Variants in AEN observed in about 807,000 individuals in gnomAD.
AEN encodes the protein apoptosis-enhancing nuclease.
AEN carries 21 observed loss-of-function variants against 17.7 expected under a neutral mutation model. That is an observed-to-expected ratio of 1.19 (90% CI 0.84 to 1.71). The LOEUF (loss-of-function observed/expected upper bound fraction) is 1.71, where lower values mean the gene tolerates loss of function less well. Among genes scored for constraint, AEN ranks in the 40% most tolerant of loss-of-function variants. The pLI, the probability that AEN is intolerant of heterozygous loss-of-function variation, is 0.00. For synonymous variants in AEN, 190 were observed against 173.0 expected, an observed-to-expected ratio of 1.10 and a Z score of -0.77; for missense variants, 462 against 435.9, an observed-to-expected ratio of 1.06 and a Z score of -0.53.
Position 88,630,088 on chromosome 15 carries a change from G to C in AEN, c.772G>C (p.Asp258His). 6.2e-7 allele frequency: 1 copy of C among 1,614,104 alleles called. No homozygotes were observed. Among genetic ancestry groups the C allele is most frequent in the Non-Finnish European group, 8.5e-7 (1 of 1,180,034 alleles). The change falls in exon 4 of 4, where the codon GAT (aspartate) becomes CAT (histidine). Residue 258 changes from aspartate (D) to histidine (H), a missense_variant. Transcript: ENST00000332810. This position sits in a 1 kb window ranked among gnomAD's most constrained non-coding sequence, Gnocchi z 5.1. ...VGQHGHSSVE[D>H]ATTAMELYRL... ...CCAGCACGGGCACTCATCAGTAGAA[G>C]ATGCCACGACAGCCATGGAGCTCTA... is the stretch of plus-strand genomic sequence containing the variant.
chr15:88,606,855 G>C, the AEN span, among the ~76,000 whole-genome samples: 1 of 151,992 alleles, frequency 6.6e-6, no homozygotes, highest in African/African-American at 2.4e-5. Flanking sequence ...CCACCCCATG[G>C]CTTCATTTCT....
chr15:88,612,287 G>A, the AEN span, among the ~76,000 whole-genome samples: 4 of 152,186 alleles, frequency 2.6e-5, no homozygotes, highest in Non-Finnish European at 5.9e-5. Flanking sequence ...GACAGCCACA[G>A]TGTATGCGGG....
At chr15:88,621,053 A>T (rs1215255509), upstream of AEN, among the ~76,000 whole-genome samples, 1 of 152,124 alleles carries the variant, frequency 6.6e-6, no homozygotes, top group South Asian at 2.1e-4. Context: ...ATCCCGACCC[A>T]GGTAGAGGAG....
the AEN span, among the ~76,000 whole-genome samples, chr15:88,611,421 C>A: frequency 2.9e-5 from 4 of 137,332 alleles, no homozygotes; most frequent in African/African-American, 8.4e-5. Flanking sequence ...TATACTGAGA[C>A]CTTGTCTTTA....
At chr15:88,611,694 G>A in the AEN span, 2 of 298,862 alleles carry the variant, frequency 6.7e-6, no homozygotes, top group Non-Finnish European at 1.4e-5. Flanking sequence ...GGAATTCTGA[G>A]GTGAGGAGAG....
the AEN span, among the ~76,000 whole-genome samples, chr15:88,613,892 A>C: frequency 2.0e-5 from 3 of 152,146 alleles, no homozygotes; most frequent in Non-Finnish European, 4.4e-5. Flanking sequence ...TTTCTTTCAT[A>C]GTTTTCATGG....
intron 2 of AEN, chr15:88,628,710 G>A (rs903111183): frequency 6.5e-6 from 1 of 153,822 alleles, no homozygotes; most frequent in Non-Finnish European, 1.4e-5. Flanking sequence ...ATCAATAAAT[G>A]TAATGCTTTC....
the AEN span, among the ~76,000 whole-genome samples, chr15:88,615,058 G>T: frequency 1.3e-5 from 2 of 151,408 alleles, no homozygotes; most frequent in Non-Finnish European, 2.9e-5. Flanking sequence ...GTAGAGAAAG[G>T]GTTTCACTGT....
chr15:88,610,828 G>T, the AEN span, among the ~76,000 whole-genome samples: 9 of 152,326 alleles, frequency 5.9e-5, no homozygotes, highest in Admixed American at 5.2e-4. Context: ...TCTCTGAGCC[G>T]CCAGGATATT....
At chr15:88,614,238 C>T in the AEN span, among the ~76,000 whole-genome samples, 12 of 152,104 alleles carry the variant, frequency 7.9e-5, no homozygotes, top group Non-Finnish European at 2.9e-5. Context: ...CTGGCTTTGT[C>T]ACCCAGTCTA....
the AEN span, chr15:88,611,790 A>AG: frequency 2.0e-5 from 9 of 460,868 alleles, no homozygotes; most frequent in East Asian, 3.6e-4. Flanking sequence ...TGGCGAGGGG[A>AG]GGGGGGTGGT....
the AEN span, among the ~76,000 whole-genome samples, chr15:88,615,661 GCCT>G: frequency 6.6e-6 from 1 of 151,910 alleles, no homozygotes. Context: ...GACTTTCTGG[GCCT>G]CATCCCCTGA....
At chr15:88,605,869 G>A in the AEN span, among the ~76,000 whole-genome samples, 1 of 152,212 alleles carries the variant, frequency 6.6e-6, no homozygotes, top group Non-Finnish European at 1.5e-5. This position sits in a 1 kb window ranked among gnomAD's most constrained non-coding sequence, Gnocchi z 7.6. Flanking sequence ...CGGTGCCTGC[G>A]CACGGCTCGG....
At chr15:88,619,275 C>T (rs933282072), upstream of AEN, among the ~76,000 whole-genome samples, 10 of 152,104 alleles carry the variant, frequency 6.6e-5, no homozygotes, top group Admixed American at 3.3e-4. Flanking sequence ...GTGTGAATTG[C>T]CTTTGAAAAG....
chr15:88,625,547 T>A (rs78276591), intron 1 of AEN, among the ~76,000 whole-genome samples: 11,699 of 152,204 alleles, frequency 0.077, 526 homozygotes, highest in African/African-American at 0.11. Flanking sequence ...CAGTTGGTTA[T>A]CATATTACAA....
chr15:88,626,882 G>T, intron 2 of AEN, 133 bp downstream of exon 2: 1 of 982,398 alleles, frequency 1.0e-6, no homozygotes, highest in Non-Finnish European at 1.5e-6. Flanking sequence ...CAAACAGTAG[G>T]TTCCTTCTCC....
chr15:88,610,322 T>TTTTTG, the AEN span, among the ~76,000 whole-genome samples: 1 of 151,814 alleles, frequency 6.6e-6, no homozygotes, highest in South Asian at 2.1e-4. Flanking sequence ...TTTTTTTTTT[T>TTTTTG]TGTAAAAGAA....
At chr15:88,605,599 C>A in the AEN span, among the ~76,000 whole-genome samples, 2 of 152,316 alleles carry the variant, frequency 1.3e-5, no homozygotes, top group South Asian at 2.1e-4. The surrounding 1 kb of genome is among the most constrained non-coding windows in gnomAD (Gnocchi z 7.6). Context: ...GCAAATAACT[C>A]CAGGGAGGGG....
intron 1 of AEN, 27 bp from the exon 2 acceptor site, chr15:88,626,119 C>T: frequency 1.4e-6 from 2 of 1,407,028 alleles, no homozygotes; most frequent in Non-Finnish European, 1.9e-6. Context: ...CTCACCCAGC[C>T]CCTCTGCCTG....
Sources: allele counts gnomAD v4.1 joint callset (sites outside exome capture counted in the v4.1 genomes callset), GRCh38; gene constraint gnomAD v4.1.1; non-coding constraint Gnocchi (gnomAD v3.1); transcripts MANE v1.5; gene names NCBI Gene and HGNC (gene_info 2026-07-23, HGNC 2026-07-21).